The following DAB1 variants were observed in gnomAD, a reference collection of about 807,000 sequenced individuals.
DAB1 encodes the protein DAB adaptor protein 1.
Under a neutral mutation model 64.6 loss-of-function variants are expected in DAB1, and 15 were observed. The ratio of observed to expected loss-of-function variants is 0.23; its 90% confidence interval spans 0.16 to 0.36. DAB1 has a LOEUF of 0.36. Ranked by LOEUF, DAB1 falls within the 10% of genes least tolerant of loss-of-function variation. The pLI is 1.00. For missense variants in DAB1, 596 were observed against 706.7 expected (o/e 0.84, Z 1.78); for synonymous variants, 235 against 251.9 (o/e 0.93, Z 0.64).
At chr1:57,642,092 G>C (rs1035456831) in intron 7 of DAB1, among the ~76,000 whole-genome samples, 3 of 152,040 alleles carry the variant, frequency 2.0e-5, no homozygotes, top group Non-Finnish European at 4.4e-5. Context: ...ATATGGAAGT[G>C]CTCAGTGATT....
intron 7 of DAB1, among the ~76,000 whole-genome samples, chr1:57,452,069 C>T (rs565360651): frequency 2.0e-5 from 3 of 151,572 alleles, no homozygotes; most frequent in South Asian, 4.2e-4. Context: ...AGAGACTGAC[C>T]AGCTGTCCAT....
intron 3 of DAB1, among the ~76,000 whole-genome samples, chr1:58,497,080 A>G (rs1211642757): frequency 6.6e-6 from 1 of 152,180 alleles, no homozygotes; most frequent in Non-Finnish European, 1.5e-5. Flanking sequence ...CATCACCTAT[A>G]AAATATCCTT....
chr1:57,888,671 C>T (rs1644262026), upstream of DAB1, among the ~76,000 whole-genome samples: 1 of 152,122 alleles, frequency 6.6e-6, no homozygotes, highest in Non-Finnish European at 1.5e-5. Context: ...TTATTCTTTC[C>T]CCCTTTCTTA....
At chr1:57,669,742 G>C (rs1646489280) in intron 6 of DAB1, among the ~76,000 whole-genome samples, 1 of 152,126 alleles carries the variant, frequency 6.6e-6, no homozygotes, top group East Asian at 1.9e-4. Flanking sequence ...AAGCCTCCTT[G>C]GAGGAAGGGT....
chr1:57,199,928 AG>A (rs1356382790), intron 2 of DAB1, among the ~76,000 whole-genome samples: 1 of 152,212 alleles, frequency 6.6e-6, no homozygotes, highest in African/African-American at 2.4e-5. Flanking sequence ...GGGCCAAATG[AG>A]TCCAAGCTGC....
At chr1:58,414,791 A>G (rs1344739494) in intron 3 of DAB1, among the ~76,000 whole-genome samples, 1 of 152,154 alleles carries the variant, frequency 6.6e-6, no homozygotes, top group Non-Finnish European at 1.5e-5. Context: ...AAAAAAATAA[A>G]AAGAAAGAAA....
chr1:58,422,709 G>T (rs1270716595), intron 3 of DAB1, among the ~76,000 whole-genome samples: 1 of 149,630 alleles, frequency 6.7e-6, no homozygotes, highest in African/African-American at 2.5e-5. Context: ...TGGCCACATT[G>T]TACCTATCAC....
chr1:57,754,169 C>T (rs1029651453), intron 6 of DAB1, among the ~76,000 whole-genome samples: 10 of 152,162 alleles, frequency 6.6e-5, no homozygotes, highest in Non-Finnish European at 1.2e-4. Context: ...CTGTTTTATG[C>T]TTACTCACAG....
At chr1:58,359,555 G>A (rs924027770) in intron 3 of DAB1, among the ~76,000 whole-genome samples, 1 of 152,200 alleles carries the variant, frequency 6.6e-6, no homozygotes, top group Admixed American at 6.5e-5. Context: ...CAGTGCCAGA[G>A]CTGTTCTAGC....
At chr1:57,371,111 A>G (rs1680456826) in intron 1 of DAB1, among the ~76,000 whole-genome samples, 6 of 152,212 alleles carry the variant, frequency 3.9e-5, no homozygotes, top group Admixed American at 3.9e-4. Context: ...ATTTAAAACA[A>G]AACGATCCAT....
At chr1:57,383,725 C>A (rs376432442) in intron 1 of DAB1, among the ~76,000 whole-genome samples, 1 of 152,114 alleles carries the variant, frequency 6.6e-6, no homozygotes, top group South Asian at 2.1e-4. Flanking sequence ...TGAAATTGGA[C>A]CCTTACCTAA....
At chr1:58,110,315 C>G (rs1651902125) in intron 5 of DAB1, among the ~76,000 whole-genome samples, 1 of 152,160 alleles carries the variant, frequency 6.6e-6, no homozygotes, top group Admixed American at 6.5e-5. Context: ...CTGTCATTTT[C>G]AACTAAAAGT....
rs1440821184 is a variant in DAB1, at chr1:58,346,670, T to C, written n.258-3267A>G. Among the ~76,000 whole-genome samples, 3 of 152,232 alleles carry C rather than the reference T, an allele frequency of 2.0e-5. No individual in the cohort carries two copies. In the East Asian group the frequency reaches 5.8e-4, roughly 29 times the overall value. On this transcript the variant is annotated intron_variant and non_coding_transcript_variant, in intron 3 of 20. Transcript: ENST00000485760. ...ATGTGATCACTAGCTTAATTAGTTC[T>C]AATGATGAGAAGCTCATTACATTAC...
chr1:57,827,002 C>T (rs75772833), intron 1 of DAB1, among the ~76,000 whole-genome samples: 2,812 of 152,226 alleles, frequency 0.018, 81 homozygotes, highest in East Asian at 0.13. Context: ...TTCTATTTGC[C>T]TCTCTGGCTT....
At chr1:57,474,192 T>C (rs1643904543) in intron 7 of DAB1, among the ~76,000 whole-genome samples, 1 of 152,208 alleles carries the variant, frequency 6.6e-6, no homozygotes, top group Non-Finnish European at 1.5e-5. Context: ...ACTTGTACTT[T>C]TTAAATTTAT....
At chr1:58,356,974 C>T (rs954718586) in intron 3 of DAB1, among the ~76,000 whole-genome samples, 1 of 145,132 alleles carries the variant, frequency 6.9e-6, no homozygotes, top group Non-Finnish European at 1.5e-5. Context: ...TGTAGTGAGC[C>T]GTGATTGTAC....
chr1:58,065,079 T>TTA (rs1648772324), intron 5 of DAB1, among the ~76,000 whole-genome samples: 1 of 152,170 alleles, frequency 6.6e-6, no homozygotes, highest in Non-Finnish European at 1.5e-5. Context: ...GTTGCATATA[T>TTA]TATCTCATTT....
intron 1 of DAB1, among the ~76,000 whole-genome samples, chr1:57,381,489 T>C (rs1681370484): frequency 6.6e-6 from 1 of 152,178 alleles, no homozygotes. Flanking sequence ...CAGCCTGGTA[T>C]CACAGAGTTG....
At position 57,422,405 on chromosome 1, in the gene DAB1, A is replaced by T. The variant is rs547437500; in HGVS notation, c.-137+1525T>A. The stretch of plus-strand genomic sequence containing the variant: ...TCGCCCCCGTCCAGCTCCCAGGCGG[A>T]GAAAGGCGCTCTCGCTACCGCAAGC... On this transcript the variant is annotated intron_variant, in intron 1 of 14. Coordinates refer to ENST00000371236, the MANE Select transcript of DAB1 (RefSeq NM_001365792.1). Among the ~76,000 whole-genome samples the T allele has an allele frequency of 4.0e-4, 60 of 150,974 alleles. 1 individual carries two copies. In the South Asian group the frequency reaches 0.012, roughly 31 times the overall value.
Sources: gnomAD v4.1 joint callset for allele counts (sites outside exome capture counted in the v4.1 genomes callset) on GRCh38, gnomAD v4.1.1 for gene constraint, MANE v1.5 for transcripts, NCBI Gene and HGNC (gene_info 2026-07-23, HGNC 2026-07-21) for gene names.